CHD1: variants seen among roughly 807,000 people sequenced by gnomAD.
CHD1 encodes the protein ATP-dependent chromatin remodeler CHD1.
CHD1 carries 36 observed loss-of-function variants against 224.2 expected under a neutral mutation model. That is an observed-to-expected ratio of 0.16 (90% CI 0.12 to 0.21). The LOEUF (loss-of-function observed/expected upper bound fraction) is 0.21. Among genes scored for constraint, CHD1 ranks in the 10% least tolerant of loss-of-function variants. The pLI, the probability that CHD1 is intolerant of heterozygous loss-of-function variation, is 1.00. For synonymous variants in CHD1, 668 were observed against 658.3 expected (o/e 1.01, Z -0.23); for missense variants, 1,378 against 1,994.8 (o/e 0.69, Z 5.89).
chr5:98,858,120 C>T lies in CHD1; in HGVS notation c.4787+60G>A. 3.0e-6 allele frequency: 4 copies of T among 1,328,062 alleles called. No homozygotes were observed. In the South Asian group the frequency reaches 4.9e-5, roughly 16 times the overall value. 82.3% of individuals were successfully genotyped at this position (1,328,062 alleles called of 1,614,324 possible). A position where few individuals can be genotyped will look rare whatever the true frequency, so the allele number is the denominator to read the frequency against. ...TTGGCTGACAGGTCAAATACAGGAA[C>T]ATCATGATAAGGAGAAAAACATGCA... On this transcript the variant is annotated intron_variant, in intron 35 of 35. Transcript: ENST00000614616.
chr5:98,892,444 G>A (rs1435394485), intron 15 of CHD1, 81 bp downstream of exon 15: 11 of 968,482 alleles, frequency 1.1e-5, no homozygotes, highest in Non-Finnish European at 1.4e-5. Context: ...TGTAGAGAAG[G>A]TGGGGGCACC....
At chr5:98,885,806 C>T (rs1750612875) in intron 17 of CHD1, 157 bp from the exon 18 acceptor site, 2 of 573,202 alleles carry the variant, frequency 3.5e-6, no homozygotes, top group East Asian at 2.9e-5. Flanking sequence ...CTCAGGCATT[C>T]TGTCTTTAGT....
In CHD1 at chr5:98,868,585, C is replaced by T. The variant is rs1171195259; in HGVS notation, c.4158G>A (p.Val1386=). Residue 1386 remains valine (V), a synonymous_variant, in exon 31 of 36, where the codon GTG becomes GTA. Coordinates refer to ENST00000614616, the MANE Select transcript of CHD1 (RefSeq NM_001270.4). ...CCGTGATATGAACTGGAGCATCTGA[C>T]ACTGAAGATTTCTTGGATCTTTCCC... ...DGRERSKKSS[V]SDAPVHITAS... 6.2e-7 allele frequency: 1 copy of T among 1,609,208 alleles called. No homozygotes were observed. The highest frequency in any genetic ancestry group is 8.5e-7 in the Non-Finnish European group (1 of 1,178,634).
At chr5:98,910,825 T>C (rs536141774) in intron 2 of CHD1, among the ~76,000 whole-genome samples, 1 of 152,066 alleles carries the variant, frequency 6.6e-6, no homozygotes, top group African/African-American at 2.4e-5. Flanking sequence ...CATCGTTTCA[T>C]GTGCCTCAAG....
In CHD1 at chr5:98,881,073, T is replaced by C. The variant is rs776282425; in HGVS notation, c.3060+3A>G. On this transcript the variant is annotated splice_donor_region_variant and intron_variant, in intron 22 of 35. Coordinates refer to ENST00000614616, the MANE Select transcript of CHD1 (RefSeq NM_001270.4). ...TTACAAGGAAAATTTTGTTTAAATC[T>C]ACCTTGAACTGGGAAAGCAATTCAT... 3.3e-5 allele frequency: 53 copies of C among 1,590,328 alleles called. No individual in the cohort carries two copies. In the East Asian group the frequency reaches 1.1e-3, roughly 33 times the overall value.
At position 98,904,840 on chromosome 5, in the gene CHD1, A is replaced by G; in HGVS notation, c.255+57T>C. The G allele has an allele frequency of 3.4e-6, 5 of 1,469,746 alleles. 1 individual carries two copies. The South Asian group carries it at 5.7e-5, about 17-fold the overall frequency. The allele number at this position is 1,469,746 out of a possible 1,614,324, so 91.0% of individuals were successfully genotyped here. ...TAAGAATGGTATAAACCAATCCTCT[A>G]AATTTTCCCAAAGTAATACAAGCAA... On this transcript the variant is annotated intron_variant, in intron 3 of 35. Transcript: ENST00000614616.
intron 2 of CHD1, among the ~76,000 whole-genome samples, chr5:98,922,022 G>C (rs986055697): frequency 6.6e-6 from 1 of 151,916 alleles, no homozygotes; most frequent in African/African-American, 2.4e-5. Context: ...GCATGGTGGC[G>C]GGCACCTATA....
chr5:98,924,878 T>C (rs1753349290), intron 2 of CHD1, among the ~76,000 whole-genome samples: 1 of 151,184 alleles, frequency 6.6e-6, no homozygotes, highest in African/African-American at 2.4e-5. Context: ...CTCCGGAGGC[T>C]GAGGTAGGAG....
chr5:98,879,165 T>TCATC (rs1749983135), intron 23 of CHD1, among the ~76,000 whole-genome samples: 1 of 152,100 alleles, frequency 6.6e-6, no homozygotes, highest in Non-Finnish European at 1.5e-5. Flanking sequence ...GGCCGGGAGG[T>TCATC]TAAGGTTGCA....
At chr5:98,885,454 G>T in intron 18 of CHD1, 124 bp downstream of exon 18, 1 of 659,490 alleles carries the variant, frequency 1.5e-6, no homozygotes, top group South Asian at 1.9e-5. Flanking sequence ...GCTAATCAAA[G>T]GTGGCTAACA....
chr5:98,874,232 T>A (rs1348375142), intron 25 of CHD1, among the ~76,000 whole-genome samples: 4 of 152,122 alleles, frequency 2.6e-5, no homozygotes, highest in Admixed American at 2.6e-4. Flanking sequence ...AAAAATAAAC[T>A]AATTTGAGTC....
At position 98,860,102 on chromosome 5, in the gene CHD1, G is replaced by A. The variant is rs369300958; in HGVS notation, c.4428-34C>T. 3.7e-5 allele frequency: 44 copies of A among 1,197,680 alleles called. No individual in the cohort carries two copies. In the African/African-American group the frequency reaches 6.0e-4, roughly 16 times the overall value. 74.2% of individuals were successfully genotyped at this position (1,197,680 alleles called of 1,614,324 possible). A position where few individuals can be genotyped will look rare whatever the true frequency, so the allele number is the denominator to read the frequency against. ...ATTTAAAAAAAGGCAAATTAAGTTA[G>A]TCTGGTGGAAAATATTTAGTTTTTT... On this transcript the variant is annotated intron_variant, in intron 32 of 35. Transcript: ENST00000614616.
intron 31 of CHD1, among the ~76,000 whole-genome samples, chr5:98,864,517 CAAA>C (rs67061692): frequency 1.6e-3 from 92 of 58,132 alleles, no homozygotes; most frequent in African/African-American, 3.0e-3. Context: ...GATTCTATAC[CAAA>C]AAAAAAAAAA....
At chr5:98,907,356 A>T (rs562933054) in intron 2 of CHD1, among the ~76,000 whole-genome samples, 1 of 152,152 alleles carries the variant, frequency 6.6e-6, no homozygotes, top group Non-Finnish European at 1.5e-5. Flanking sequence ...TGGAAGGCAG[A>T]GGGGGGCGGA....
At position 98,856,741 on chromosome 5, in the gene CHD1, T is replaced by G. The variant is rs780143130; in HGVS notation, c.4788-16A>C. 7 of 1,499,788 alleles carry G rather than the reference T, an allele frequency of 4.7e-6. No homozygotes were observed. The highest frequency in any genetic ancestry group is 6.4e-6 in the Non-Finnish European group (7 of 1,098,142). The allele number at this position is 1,499,788 out of a possible 1,614,324, so 92.9% of individuals were successfully genotyped here. A position where few individuals can be genotyped will look rare whatever the true frequency, so the allele number is the denominator to read the frequency against. ...ACTGTAATATCTAATAAAGAAAAAT[T>G]GAGAATTTTAGACAAATCATGCAAA... On this transcript the variant is annotated splice_polypyrimidine_tract_variant and intron_variant, in intron 35 of 35. Transcript: ENST00000614616.
chr5:98,872,657 T>G, intron 26 of CHD1, 102 bp from the exon 27 acceptor site: 2 of 938,180 alleles, frequency 2.1e-6, no homozygotes, highest in Non-Finnish European at 3.3e-6. Context: ...TAACAATAAG[T>G]ATTCCTTATT....
At chr5:98,899,441 G>C (rs1356373948) in intron 8 of CHD1, 39 bp downstream of exon 8, 6 of 1,234,222 alleles carry the variant, frequency 4.9e-6, no homozygotes, top group Non-Finnish European at 7.1e-6. Context: ...AGTAATCTTT[G>C]AACTATTAAA....
intron 2 of CHD1, among the ~76,000 whole-genome samples, chr5:98,906,391 C>T (rs574923355): frequency 7.9e-5 from 12 of 152,272 alleles, no homozygotes; most frequent in Admixed American, 6.5e-4. Context: ...CCATATTTTA[C>T]TTGCATACCT....
chr5:98,924,954 G>T (rs1387891077), intron 2 of CHD1, among the ~76,000 whole-genome samples: 1 of 151,530 alleles, frequency 6.6e-6, no homozygotes, highest in Admixed American at 6.6e-5. Flanking sequence ...CTCCAGCCTG[G>T]GCGACAGAGC....
Sources: gnomAD v4.1 joint callset for allele counts (sites outside exome capture counted in the v4.1 genomes callset) on GRCh38, gnomAD v4.1.1 for gene constraint, MANE v1.5 for transcripts, NCBI Gene and HGNC (gene_info 2026-07-23, HGNC 2026-07-21) for gene names.